Variants in GIPC2 observed in about 807,000 individuals in gnomAD.
The protein encoded by GIPC2 is PDZ domain-containing protein GIPC2.
In GIPC2, 30 loss-of-function variants were observed where a neutral mutation model predicts 30.6. The ratio of observed to expected loss-of-function variants is 0.98; its 90% confidence interval spans 0.73 to 1.33. The LOEUF (loss-of-function observed/expected upper bound fraction) is 1.33. Ranked by LOEUF, GIPC2 falls within the 40% of genes most tolerant of loss-of-function variation. The probability of loss-of-function intolerance (pLI) is 0.00; values close to 1 mark genes in which losing one functional copy is unlikely to be tolerated. For synonymous variants in GIPC2, 167 were observed against 150.0 expected, an observed-to-expected ratio of 1.11 and a Z score of -0.83; for missense variants, 414 against 390.3, an observed-to-expected ratio of 1.06 and a Z score of -0.51.
At chr1:78,066,013 C>T (rs963549570) in intron 1 of GIPC2, among the ~76,000 whole-genome samples, 2 of 152,076 alleles carry the variant, frequency 1.3e-5, no homozygotes, top group African/African-American at 4.8e-5. Flanking sequence ...ACATCAAAAG[C>T]AATTGCAAGA....
At chr1:78,121,762 C>T (rs572551700) in intron 4 of GIPC2, among the ~76,000 whole-genome samples, 165 of 152,216 alleles carry the variant, frequency 1.1e-3, no homozygotes, top group Admixed American at 0.011. Context: ...CTTTATTTTC[C>T]CTCTGTGGCC....
At chr1:78,109,727 G>A (rs1662426352) in intron 3 of GIPC2, among the ~76,000 whole-genome samples, 1 of 150,882 alleles carries the variant, frequency 6.6e-6, no homozygotes, top group South Asian at 2.1e-4. Context: ...AATATAGTGT[G>A]TTTTTTTTTC....
At chr1:78,081,060 T>A (rs1661818183) in intron 2 of GIPC2, among the ~76,000 whole-genome samples, 200 bp downstream of exon 2, 1 of 152,224 alleles carries the variant, frequency 6.6e-6, no homozygotes, top group Non-Finnish European at 1.5e-5. Flanking sequence ...TTCCCTTTAG[T>A]TTAAACTTCC....
intron 2 of GIPC2, among the ~76,000 whole-genome samples, chr1:78,094,123 C>T (rs1662094015): frequency 6.6e-6 from 1 of 152,154 alleles, no homozygotes; most frequent in East Asian, 1.9e-4. Context: ...AAATGATAAC[C>T]ATACTTATCT....
intron 1 of GIPC2, among the ~76,000 whole-genome samples, chr1:78,075,295 A>G (rs756505405): frequency 3.2e-4 from 48 of 152,108 alleles, no homozygotes; most frequent in Admixed American, 1.8e-3. Context: ...GTCTCTATGA[A>G]AAATAAAAAA....
chr1:78,132,201 C>T (rs1037967142), intron 5 of GIPC2, among the ~76,000 whole-genome samples: 2 of 152,070 alleles, frequency 1.3e-5, no homozygotes, highest in African/African-American at 4.8e-5. Context: ...TATAGGGTTG[C>T]CAAGGAATCA....
At chr1:78,057,033 A>G (rs1251145652) in intron 1 of GIPC2, among the ~76,000 whole-genome samples, 1 of 152,154 alleles carries the variant, frequency 6.6e-6, no homozygotes. Flanking sequence ...TATTTCCTAT[A>G]AATTAATAGT....
intron 2 of GIPC2, among the ~76,000 whole-genome samples, chr1:78,087,613 A>T (rs117425140): frequency 6.6e-6 from 1 of 152,364 alleles, no homozygotes; most frequent in East Asian, 1.9e-4. Context: ...TACAATAATT[A>T]AGATGAATTA....
intron 5 of GIPC2, among the ~76,000 whole-genome samples, chr1:78,131,939 G>T (rs76081021): frequency 0.022 from 3,301 of 152,136 alleles, 89 homozygotes; most frequent in East Asian, 0.12. Context: ...GCATTTTTTT[G>T]TTGTTTCTAC....
intron 3 of GIPC2, among the ~76,000 whole-genome samples, chr1:78,102,131 T>TA: frequency 6.6e-6 from 1 of 152,332 alleles, no homozygotes; most frequent in East Asian, 1.9e-4. Context: ...AGAAGAAACT[T>TA]ACCTCCTAAA....
intron 2 of GIPC2, among the ~76,000 whole-genome samples, chr1:78,087,992 TA>T (rs1185321075): frequency 2.0e-5 from 3 of 150,182 alleles, no homozygotes; most frequent in Admixed American, 6.6e-5. Context: ...ACAATAATAT[TA>T]AAAAAAAAGC....
rs1330686387 is a variant in GIPC2 at position 78,136,903 on chromosome 1, A to G, written c.*1160A>G. ...ACAGCAGAGCATGGCATGACCAAGCATCTTTGTAAAGTGTTAGATGGAAAA... is the reference window on the plus strand; with the variant it reads ...ACAGCAGAGCATGGCATGACCAAGCGTCTTTGTAAAGTGTTAGATGGAAAA... On this transcript the variant is annotated 3_prime_UTR_variant, in exon 6 of 6. Coordinates refer to ENST00000370759, the MANE Select transcript of GIPC2 (RefSeq NM_017655.6). 2 of 152,184 alleles carry G rather than the reference A, an allele frequency of 1.3e-5. No homozygotes were observed. Among genetic ancestry groups the G allele is most frequent in the African/African-American group, 2.4e-5 (1 of 41,456 alleles). The allele number at this position is 152,184 out of a possible 1,614,324, so 9.4% of individuals were successfully genotyped here.
chr1:78,060,855 A>G (rs866757518), intron 1 of GIPC2, among the ~76,000 whole-genome samples: 4 of 152,102 alleles, frequency 2.6e-5, no homozygotes, highest in Admixed American at 6.6e-5. Context: ...GTAGATAGAT[A>G]AACATTCATA....
chr1:78,059,105 G>A (rs994864867), intron 1 of GIPC2, among the ~76,000 whole-genome samples: 4 of 152,124 alleles, frequency 2.6e-5, no homozygotes, highest in African/African-American at 4.8e-5. Context: ...AATCACCTTG[G>A]TGACCTTTTT....
At chr1:78,129,169 A>C (rs1362404530) in intron 5 of GIPC2, among the ~76,000 whole-genome samples, 1 of 152,230 alleles carries the variant, frequency 6.6e-6, no homozygotes, top group African/African-American at 2.4e-5. Context: ...TCTAATTGAC[A>C]TGAAAAGCCA....
Position 78,091,376 on chromosome 1 carries a change from G to A in GIPC2, c.427-3576G>A, listed in dbSNP as rs528679100. 1,001 of 507,522 alleles carry A rather than the reference G, an allele frequency of 2.0e-3. 10 individuals are homozygous for A. Among genetic ancestry groups the A allele is most frequent in the Non-Finnish European group, 9.9e-4 (277 of 279,040 alleles). The allele number at this position is 507,522 out of a possible 1,614,324, so 31.4% of individuals were successfully genotyped here. On this transcript the variant is annotated intron_variant, in intron 2 of 5. Coordinates refer to ENST00000370759, the MANE Select transcript of GIPC2 (RefSeq NM_017655.6). ...ATGGCGACTGGACATGTAGCTCAGA[G>A]TCTGGTGCTTAAGATTTTAGGGAGA...
chr1:78,095,503 A>T (rs771206572), intron 3 of GIPC2, among the ~76,000 whole-genome samples: 1 of 152,182 alleles, frequency 6.6e-6, no homozygotes, highest in African/African-American at 2.4e-5. Flanking sequence ...TTGCTCATGG[A>T]TCTCAGCAGC....
At chr1:78,047,760 G>A (rs2102631226) in intron 1 of GIPC2, among the ~76,000 whole-genome samples, 1 of 152,204 alleles carries the variant, frequency 6.6e-6, no homozygotes, top group Middle Eastern at 3.4e-3. Flanking sequence ...GTATCAGATT[G>A]CATAGTTTAT....
intron 1 of GIPC2, among the ~76,000 whole-genome samples, chr1:78,053,982 C>G (rs1246524337): frequency 6.6e-6 from 1 of 152,090 alleles, no homozygotes; most frequent in Non-Finnish European, 1.5e-5. Context: ...TACTACCAGC[C>G]AAACAATGTC....
Sources: allele counts gnomAD v4.1 joint callset (sites outside exome capture counted in the v4.1 genomes callset), GRCh38; gene constraint gnomAD v4.1.1; transcripts MANE v1.5; gene names NCBI Gene and HGNC (gene_info 2026-07-23, HGNC 2026-07-21).